MYLK4: variants seen among roughly 807,000 people sequenced by gnomAD.
The protein encoded by MYLK4 is myosin light chain kinase family member 4.
Under a neutral mutation model 48.1 loss-of-function variants are expected in MYLK4, and 46 were observed. That is an observed-to-expected ratio of 0.96 (90% CI 0.75 to 1.22). MYLK4 has a LOEUF of 1.22. MYLK4 is among the 50% of genes most tolerant of loss of function. The probability of loss-of-function intolerance (pLI) is 0.00; values close to 1 mark genes in which losing one functional copy is unlikely to be tolerated. For missense variants in MYLK4, 451 were observed against 486.1 expected (o/e 0.93, Z 0.68); for synonymous variants, 170 against 180.8 (o/e 0.94, Z 0.48).
intron 2 of MYLK4, among the ~76,000 whole-genome samples, chr6:2,722,629 T>C (rs1012427614): frequency 2.0e-5 from 3 of 150,850 alleles, no homozygotes; most frequent in Admixed American, 6.6e-5. Flanking sequence ...AACCCAAATA[T>C]GAAAAGAAAA....
intron 2 of MYLK4, among the ~76,000 whole-genome samples, chr6:2,734,592 T>C (rs1285083607): frequency 1.3e-5 from 2 of 152,144 alleles, no homozygotes; most frequent in Admixed American, 1.3e-4. Context: ...AGGAATAGCC[T>C]GAAAGACTAT....
chr6:2,730,487 G>A (rs917066636), intron 2 of MYLK4, among the ~76,000 whole-genome samples: 4 of 152,132 alleles, frequency 2.6e-5, no homozygotes, highest in South Asian at 2.1e-4. Flanking sequence ...AAAGGCCCTG[G>A]CATTCACTTA....
chr6:2,675,089 G>C lies in MYLK4; in HGVS notation c.1077C>G (p.Pro359=). The change falls in exon 11 of 13, where the codon CCC becomes CCG. Residue 359 remains proline (P), a synonymous_variant. Transcript: ENST00000274643. ...AGTGGAGCTTGTGGTCTGACAACCA[G>C]GGGTGCTTGAGAGCTTCGCTTGCAC... ...RISASEALKH[P]WLSDHKLHSR... is the part of the protein sequence containing the mutation. 1 of 1,614,102 alleles carries C rather than the reference G, an allele frequency of 6.2e-7. No homozygotes were observed. Among genetic ancestry groups the C allele is most frequent in the Non-Finnish European group, 8.5e-7 (1 of 1,179,986 alleles).
chr6:2,751,165 C>T (rs1764278077), upstream of MYLK4, among the ~76,000 whole-genome samples: 1 of 152,178 alleles, frequency 6.6e-6, no homozygotes, highest in Admixed American at 6.5e-5. Context: ...CTAGATTTGT[C>T]CTCGGCAATC....
intron 2 of MYLK4, among the ~76,000 whole-genome samples, chr6:2,711,579 G>A (rs1416417924): frequency 6.6e-6 from 1 of 152,192 alleles, no homozygotes; most frequent in Non-Finnish European, 1.5e-5. Flanking sequence ...GACATAGGAG[G>A]ACAATTTTCT....
upstream of MYLK4, among the ~76,000 whole-genome samples, chr6:2,751,345 A>G (rs1324792873): frequency 6.6e-6 from 1 of 152,248 alleles, no homozygotes; most frequent in African/African-American, 2.4e-5. Flanking sequence ...GAAAGCAGTT[A>G]GCAAGTTTGT....
chr6:2,725,589 A>AAGAGAAAG (rs370777783), intron 2 of MYLK4, among the ~76,000 whole-genome samples: 2 of 145,148 alleles, frequency 1.4e-5, no homozygotes, highest in Non-Finnish European at 3.0e-5. Flanking sequence ...AAGAAAGAGA[A>AAGAGAAAG]AGAAAGAAAG....
chr6:2,746,871 CCTT>C (rs1764111427), intron 2 of MYLK4, among the ~76,000 whole-genome samples: 1 of 152,236 alleles, frequency 6.6e-6, no homozygotes, highest in African/African-American at 2.4e-5. Flanking sequence ...GCTGGAATGT[CCTT>C]CTCCACCCAC....
chr6:2,746,591 A>G (rs931686492), intron 2 of MYLK4, among the ~76,000 whole-genome samples: 3 of 152,242 alleles, frequency 2.0e-5, no homozygotes, highest in Non-Finnish European at 4.4e-5. Flanking sequence ...AAGCTTCCAG[A>G]ACAAAGCTTT....
chr6:2,764,597 C>T, the MYLK4 span, among the ~76,000 whole-genome samples: 1 of 152,094 alleles, frequency 6.6e-6, no homozygotes, highest in Admixed American at 6.5e-5. Context: ...TTCAAAGATG[C>T]AGACTACCAC....
At chr6:2,682,926 T>C (rs1223349288) in intron 7 of MYLK4, 95 bp downstream of exon 7, 1 of 1,376,650 alleles carries the variant, frequency 7.3e-7, no homozygotes. Flanking sequence ...GAAATGACTG[T>C]ACCAATTTCC....
At chr6:2,690,016 A>G (rs1342791706) in intron 3 of MYLK4, among the ~76,000 whole-genome samples, 1 of 152,234 alleles carries the variant, frequency 6.6e-6, no homozygotes, top group Admixed American at 6.5e-5. Flanking sequence ...AGGGAGTTAA[A>G]TACACAAGCG....
At chr6:2,743,833 C>A in intron 2 of MYLK4, 1 of 398,030 alleles carries the variant, frequency 2.5e-6, no homozygotes, top group Non-Finnish European at 4.4e-6. Flanking sequence ...TGGCAAGCGT[C>A]ACTCCCAGGT....
intron 10 of MYLK4, among the ~76,000 whole-genome samples, chr6:2,676,623 G>A (rs1430994210): frequency 6.6e-6 from 1 of 152,156 alleles, no homozygotes; most frequent in Non-Finnish European, 1.5e-5. Flanking sequence ...TTTCATCCAA[G>A]CATTGACTGG....
At chr6:2,765,973 C>T in the MYLK4 span, 66 of 1,410,460 alleles carry the variant, frequency 4.7e-5, no homozygotes, top group African/African-American at 1.6e-4. Context: ...CGCCCACACC[C>T]AGCGGCGCCC....
At chr6:2,674,076 A>G in intron 11 of MYLK4, among the ~76,000 whole-genome samples, 1 of 152,244 alleles carries the variant, frequency 6.6e-6, no homozygotes, top group Non-Finnish European at 1.5e-5. Context: ...TCTAGTACAC[A>G]GATGGACATA....
chr6:2,749,390 G>A lies in MYLK4; in HGVS notation c.-96C>T. 1.1e-6 allele frequency: 1 copy of A among 930,692 alleles called. No individual in the cohort carries two copies. Among genetic ancestry groups the A allele is most frequent in the Non-Finnish European group, 1.6e-6 (1 of 626,852 alleles). 57.7% of individuals were successfully genotyped at this position (930,692 alleles called of 1,614,324 possible). ...ATCAGGACACAATTATGACTCTTCA[G>A]TGCTTCTTTCTCTTGACTGCAAAGA... On this transcript the variant is annotated 5_prime_UTR_variant, in exon 2 of 13. Transcript: ENST00000274643.
intron 6 of MYLK4, among the ~76,000 whole-genome samples, chr6:2,684,309 A>G (rs1163220694): frequency 6.6e-6 from 1 of 152,146 alleles, no homozygotes; most frequent in Non-Finnish European, 1.5e-5. Context: ...GGACGGTGGG[A>G]GATTTCATCA....
chr6:2,712,730 C>T (rs753709915), intron 2 of MYLK4, among the ~76,000 whole-genome samples: 2 of 152,204 alleles, frequency 1.3e-5, no homozygotes, highest in Non-Finnish European at 2.9e-5. Context: ...CGGGCTTTCA[C>T]ACATCAAGAC....
Sources: allele counts gnomAD v4.1 joint callset (sites outside exome capture counted in the v4.1 genomes callset), GRCh38; gene constraint gnomAD v4.1.1; transcripts MANE v1.5; gene names NCBI Gene and HGNC (gene_info 2026-07-23, HGNC 2026-07-21).